Variants in FBXW11 observed in about 807,000 individuals in gnomAD.
The protein encoded by FBXW11 is F-box/WD repeat-containing protein 11.
Under a neutral mutation model 77.6 loss-of-function variants are expected in FBXW11, and 19 were observed. That is an observed-to-expected ratio of 0.24 (90% confidence interval 0.17 to 0.36). FBXW11 has a LOEUF of 0.36. Among genes scored for constraint, FBXW11 ranks in the 10% least tolerant of loss-of-function variants. The pLI is 1.00. For missense variants in FBXW11, 334 were observed against 704.2 expected, an observed-to-expected ratio of 0.47 and a Z score of 5.95; for synonymous variants, 235 against 249.4, an observed-to-expected ratio of 0.94 and a Z score of 0.54.
chr5:171,875,772 G>T (rs1311310388), intron 9 of FBXW11, among the ~76,000 whole-genome samples: 1 of 152,118 alleles, frequency 6.6e-6, no homozygotes, highest in Admixed American at 6.5e-5. Flanking sequence ...GCTTCTTGAA[G>T]GCAAGGACAT....
At chr5:171,907,708 C>A (rs980717169) in intron 4 of FBXW11, among the ~76,000 whole-genome samples, 3 of 152,176 alleles carry the variant, frequency 2.0e-5, no homozygotes, top group Non-Finnish European at 4.4e-5. Flanking sequence ...ATATTCAATA[C>A]CACAAAATTC....
rs934135140 is a variant in FBXW11 at position 171,993,195 on chromosome 5, A to G, written c.45+13263T>C. 2.0e-5 allele frequency among the ~76,000 whole-genome samples: 3 copies of G among 152,058 alleles called. 1 individual carries two copies. The highest frequency in any genetic ancestry group is 4.8e-5 in the African/African-American group (2 of 41,406). ...GGCCAACAGACGTCTTACTTCCCTG[A>G]TGGAGTCTTCCTATATGAAGAGAAT... On this transcript the variant is annotated intron_variant, in intron 1 of 13. Coordinates refer to ENST00000517395, the MANE Select transcript of FBXW11 (RefSeq NM_001378974.1).
At chr5:171,890,240 C>T (rs913276486) in intron 7 of FBXW11, among the ~76,000 whole-genome samples, 1 of 152,114 alleles carries the variant, frequency 6.6e-6, no homozygotes, top group Non-Finnish European at 1.5e-5. Context: ...ACAAAAGCAA[C>T]TCTCAGGCCA....
chr5:171,988,902 C>G (rs922684566), intron 1 of FBXW11, among the ~76,000 whole-genome samples: 6 of 151,598 alleles, frequency 4.0e-5, no homozygotes, highest in African/African-American at 1.2e-4. Flanking sequence ...TTTGGCCCAG[C>G]ATGGTGGCTC....
At chr5:171,916,883 T>A (rs1480082308) in intron 2 of FBXW11, among the ~76,000 whole-genome samples, 1 of 152,238 alleles carries the variant, frequency 6.6e-6, no homozygotes, top group Admixed American at 6.5e-5. Context: ...GATGTATATA[T>A]GGTTTTGTTT....
intron 6 of FBXW11, among the ~76,000 whole-genome samples, chr5:171,892,743 C>T (rs915237205): frequency 6.6e-6 from 1 of 152,194 alleles, no homozygotes. Context: ...AATGTCTCTA[C>T]TAAGAGTAAC....
chr5:171,998,400 C>T (rs1766198252), intron 1 of FBXW11, among the ~76,000 whole-genome samples: 1 of 144,060 alleles, frequency 6.9e-6, no homozygotes, highest in Non-Finnish European at 1.5e-5. Context: ...GCCTCGAACT[C>T]CTAAGCTCAA....
intron 6 of FBXW11, among the ~76,000 whole-genome samples, chr5:171,894,154 G>GT (rs1166610986): frequency 1.3e-5 from 2 of 152,130 alleles, no homozygotes; most frequent in African/African-American, 4.8e-5. Context: ...TACTCAGCCT[G>GT]TGATACATCA....
chr5:171,945,494 G>C (rs113604665), intron 2 of FBXW11, among the ~76,000 whole-genome samples: 4 of 152,262 alleles, frequency 2.6e-5, no homozygotes, highest in African/African-American at 9.6e-5. Context: ...ATATAAAACA[G>C]ACAGAATAGT....
chr5:171,990,441 G>C (rs1490386694), intron 1 of FBXW11, among the ~76,000 whole-genome samples: 1 of 152,196 alleles, frequency 6.6e-6, no homozygotes, highest in East Asian at 1.9e-4. Flanking sequence ...GGAGGGCAAT[G>C]TGGCAATGTC....
intron 6 of FBXW11, among the ~76,000 whole-genome samples, chr5:171,892,562 T>C (rs1035314564): frequency 3.9e-5 from 6 of 152,136 alleles, no homozygotes; most frequent in African/African-American, 1.2e-4. Context: ...ATTCCAAAAG[T>C]GCCAAATGAG....
At position 171,904,110 on chromosome 5, in the gene FBXW11, A is replaced by G. The variant is rs926958515; in HGVS notation, c.437-4010T>C. ...CCAGGAGTTTGAGACCAGCCTGGAC[A>G]GCATGGCAAAACTCCATCTCTACTA... On this transcript the variant is annotated intron_variant, in intron 4 of 13. Transcript: ENST00000517395. The surrounding 1 kb of genome is among the most constrained non-coding windows in gnomAD (Gnocchi z 4.0). Among the ~76,000 whole-genome samples, 1 of 152,158 alleles carries G rather than the reference A, an allele frequency of 6.6e-6. No homozygotes were observed. Among genetic ancestry groups the G allele is most frequent in the Non-Finnish European group, 1.5e-5 (1 of 68,018 alleles).
intron 6 of FBXW11, among the ~76,000 whole-genome samples, chr5:171,898,731 A>G (rs1385181177): frequency 6.6e-6 from 1 of 152,194 alleles, no homozygotes; most frequent in Non-Finnish European, 1.5e-5. Flanking sequence ...CTTAGAATAA[A>G]AAGATGATTT....
At chr5:171,970,689 T>C (rs1368937133) in intron 1 of FBXW11, among the ~76,000 whole-genome samples, 2 of 152,206 alleles carry the variant, frequency 1.3e-5, no homozygotes, top group Non-Finnish European at 2.9e-5. Context: ...AAAACAATGG[T>C]AATAAAAATT....
chr5:171,868,225 A>AT (rs762719516), intron 13 of FBXW11: 7,157 of 139,898 alleles, frequency 0.051, 517 homozygotes, highest in African/African-American at 0.17. Flanking sequence ...TCAGATGGTG[A>AT]TTTTTTTTTT....
At chr5:171,930,093 C>T (rs75196146) in intron 2 of FBXW11, among the ~76,000 whole-genome samples, 3,250 of 152,126 alleles carry the variant, frequency 0.021, 116 homozygotes, top group African/African-American at 0.074. Flanking sequence ...AAGAAGGAAA[C>T]GAGCAGCAGA....
At chr5:171,952,630 T>C (rs1763405821) in intron 2 of FBXW11, among the ~76,000 whole-genome samples, 1 of 149,112 alleles carries the variant, frequency 6.7e-6, no homozygotes. Context: ...TTTTTGTATT[T>C]TTAGTAGAGA....
intron 2 of FBXW11, among the ~76,000 whole-genome samples, chr5:171,955,533 G>A (rs1763562983): frequency 6.6e-6 from 1 of 152,116 alleles, no homozygotes; most frequent in African/African-American, 2.4e-5. Flanking sequence ...GGAGACTGGA[G>A]GTAAAGGGGA....
chr5:171,872,552 CAG>C (rs1757816956), intron 10 of FBXW11, among the ~76,000 whole-genome samples: 1 of 152,124 alleles, frequency 6.6e-6, no homozygotes, highest in South Asian at 2.1e-4. Context: ...TGGGAGCTCA[CAG>C]GTGAGGGAAA....
Sources: allele counts gnomAD v4.1 joint callset (sites outside exome capture counted in the v4.1 genomes callset), GRCh38; gene constraint gnomAD v4.1.1; non-coding constraint Gnocchi (gnomAD v3.1); transcripts MANE v1.5; gene names NCBI Gene and HGNC (gene_info 2026-07-23, HGNC 2026-07-21).